SPEN: variants seen among roughly 807,000 people sequenced by gnomAD.
SPEN encodes the protein msx2-interacting protein.
In SPEN, 18 loss-of-function variants were observed where a neutral mutation model predicts 269.9. The ratio of observed to expected loss-of-function variants is 0.07; its 90% CI spans 0.05 to 0.10. The LOEUF is 0.10. Among genes scored for constraint, SPEN ranks in the 10% least tolerant of loss-of-function variants. SPEN has a pLI of 1.00. For synonymous variants in SPEN, 1,726 were observed against 1,765.7 expected (o/e 0.98, Z 0.56); for missense variants, 3,822 against 4,631.2 (o/e 0.83, Z 5.07).
intron 2 of SPEN, among the ~76,000 whole-genome samples, chr1:15,875,549 T>C (rs896227004): frequency 3.3e-5 from 5 of 152,112 alleles, no homozygotes; most frequent in African/African-American, 1.2e-4. Context: ...ATACTTGAAG[T>C]GGTTTTTTTT....
intron 2 of SPEN, among the ~76,000 whole-genome samples, chr1:15,875,666 C>CT (rs2070624206): frequency 6.6e-6 from 1 of 151,874 alleles, no homozygotes; most frequent in Non-Finnish European, 1.5e-5. Context: ...GCAGTCAAAA[C>CT]TTAATGAAAA....
At chr1:15,909,165 C>T (rs939934999) in intron 3 of SPEN, among the ~76,000 whole-genome samples, 156 bp from the exon 4 acceptor site, 4 of 152,128 alleles carry the variant, frequency 2.6e-5, no homozygotes, top group Admixed American at 1.3e-4. Context: ...TCTGCCACCT[C>T]TGAAGGTAGA....
rs568855750 is a variant in SPEN at position 15,848,510 on chromosome 1, G to C, written c.83+360G>C. ...GGGCGGCGGGGTCGCGTCCTTGCGCGCAGTGCCCGGCCCGGAGCAGCCGGG... is the reference window on the plus strand; with the variant it reads ...GGGCGGCGGGGTCGCGTCCTTGCGCCCAGTGCCCGGCCCGGAGCAGCCGGG... On this transcript the variant is annotated intron_variant, in intron 1 of 14. Transcript: ENST00000375759. The surrounding 1 kb of genome is among the most constrained non-coding windows in gnomAD (Gnocchi z 5.1). Among the ~76,000 whole-genome samples the C allele has an allele frequency of 6.4e-3, 976 of 152,076 alleles. 8 individuals carry two copies. Among genetic ancestry groups the C allele is most frequent in the Middle Eastern group, 0.021 (6 of 292 alleles).
Position 15,935,558 on chromosome 1 carries a change from C to G in SPEN, c.9318C>G (p.Pro3106=), listed in dbSNP as rs773620722. The change falls in exon 11 of 15, where the codon CCC becomes CCG. Residue 3106 remains proline, a synonymous_variant. Coordinates refer to ENST00000375759, the MANE Select transcript of SPEN (RefSeq NM_015001.3). The surrounding 1 kb of genome is among the most constrained non-coding windows in gnomAD (Gnocchi z 7.7). Reference sequence around the variant, plus strand: ...TGAGAATGAACACTCCCACGCTGCCCAGTATCACCTACAGCATCCGGCCAG... The same window carrying G: ...TGAGAATGAACACTCCCACGCTGCCGAGTATCACCTACAGCATCCGGCCAG... The part of the protein sequence containing the change: ...GEVRMNTPTL[P]SITYSIRPEA... 1.2e-6 allele frequency: 2 copies of G among 1,613,958 alleles called. No homozygotes were observed. The highest frequency in any genetic ancestry group is 2.7e-5 in the African/African-American group (2 of 74,886).
At chr1:15,876,934 G>A (rs767746226) in intron 3 of SPEN, among the ~76,000 whole-genome samples, 11 of 152,170 alleles carry the variant, frequency 7.2e-5, no homozygotes, top group Non-Finnish European at 1.5e-4. Flanking sequence ...TGGAAGGGAG[G>A]TGGTGACTCT....
intron 3 of SPEN, among the ~76,000 whole-genome samples, chr1:15,891,854 C>G (rs1031219402): frequency 6.6e-6 from 1 of 151,064 alleles, no homozygotes; most frequent in Non-Finnish European, 1.5e-5. Context: ...ACATATATCT[C>G]AGTAGAACTG....
At chr1:15,898,550 CT>C (rs1259070061) in intron 3 of SPEN, among the ~76,000 whole-genome samples, 2 of 134,878 alleles carry the variant, frequency 1.5e-5, no homozygotes, top group East Asian at 4.0e-4. Context: ...TTTTTTTTTT[CT>C]TTTTTTCTTT....
chr1:15,860,730 G>A (rs1374132334), intron 1 of SPEN, among the ~76,000 whole-genome samples: 1 of 151,628 alleles, frequency 6.6e-6, no homozygotes, highest in African/African-American at 2.4e-5. Flanking sequence ...AGCCTCCTGA[G>A]TAGCTGGACT....
chr1:15,857,689 G>GT (rs34199284), intron 1 of SPEN, among the ~76,000 whole-genome samples: 126,861 of 151,286 alleles, frequency 0.84, 53,500 homozygotes, highest in Middle Eastern at 0.91. Flanking sequence ...TAAAAAAATT[G>GT]TTTTTTTTCT....
intron 8 of SPEN, 28 bp from the exon 9 acceptor site, chr1:15,920,838 TCTTA>T (rs2071110943): frequency 4.4e-6 from 6 of 1,367,832 alleles, no homozygotes; most frequent in Non-Finnish European, 5.1e-6. Flanking sequence ...TGGATGAGGC[TCTTA>T]CTTGTTTTTT....
intron 1 of SPEN, among the ~76,000 whole-genome samples, chr1:15,859,200 A>C (rs971598941): frequency 3.5e-5 from 5 of 144,910 alleles, no homozygotes; most frequent in Non-Finnish European, 7.5e-5. Flanking sequence ...GCTGCAGTGC[A>C]GTGGCTATAC....
intron 3 of SPEN, among the ~76,000 whole-genome samples, chr1:15,881,923 T>C (rs1569999857): frequency 6.6e-6 from 1 of 152,214 alleles, no homozygotes; most frequent in Non-Finnish European, 1.5e-5. Flanking sequence ...GGACAAAATA[T>C]AGCTTGGTTT....
At chr1:15,855,997 T>C (rs1258917805) in intron 1 of SPEN, among the ~76,000 whole-genome samples, 20 of 146,564 alleles carry the variant, frequency 1.4e-4, no homozygotes, top group African/African-American at 4.3e-4. Context: ...GAACTTTTTT[T>C]TTTTTTTTTT....
chr1:15,901,820 A>C (rs1570026530), intron 3 of SPEN, among the ~76,000 whole-genome samples: 1 of 152,106 alleles, frequency 6.6e-6, no homozygotes, highest in Non-Finnish European at 1.5e-5. Context: ...TATTGTGGAC[A>C]GTATCTATTG....
At chr1:15,879,227 G>T (rs994857202) in intron 3 of SPEN, among the ~76,000 whole-genome samples, 1 of 151,980 alleles carries the variant, frequency 6.6e-6, no homozygotes, top group Non-Finnish European at 1.5e-5. Flanking sequence ...TGTAATTCCA[G>T]CTACTCAGGA....
intron 3 of SPEN, among the ~76,000 whole-genome samples, chr1:15,896,252 G>C (rs1326848277): frequency 7.5e-6 from 1 of 133,970 alleles, no homozygotes. Context: ...CTGGAGTGCA[G>C]TGGCGGGATC....
chr1:15,865,152 A>G (rs1389031259), intron 1 of SPEN, among the ~76,000 whole-genome samples: 1 of 151,522 alleles, frequency 6.6e-6, no homozygotes, highest in East Asian at 2.0e-4. Flanking sequence ...CCTGGGTTCA[A>G]GCAATTCTCT....
At position 15,937,280 on chromosome 1, in the gene SPEN, A is replaced by G; in HGVS notation, c.10144A>G (p.Ser3382Gly). The change falls in exon 12 of 15, where the codon AGC (serine) becomes GGC (glycine). Residue 3382 changes from serine (S) to glycine (G), a missense_variant. This residue lies in a region of SPEN where 359 missense variants were observed against 377.3 expected (regional missense o/e 0.95). Transcript: ENST00000375759. The surrounding 1 kb of genome is among the most constrained non-coding windows in gnomAD (Gnocchi z 5.7). Reference protein sequence around the residue: ...SQLGQPGQPPSSKMPQVSQEA... With the variant: ...SQLGQPGQPPGSKMPQVSQEA... ...GCTCGGTCAGCCCGGCCAGCCACCAAGCAGCAAGATGCCTCAAGTGTCCCA... is the reference window on the plus strand; with the variant it reads ...GCTCGGTCAGCCCGGCCAGCCACCAGGCAGCAAGATGCCTCAAGTGTCCCA... The G allele has an allele frequency of 6.2e-7, 1 of 1,613,842 alleles. No homozygotes were observed. The highest frequency in any genetic ancestry group is 8.5e-7 in the Non-Finnish European group (1 of 1,180,002).
chr1:15,866,035 G>A (rs1056015711), intron 1 of SPEN, among the ~76,000 whole-genome samples: 9 of 151,514 alleles, frequency 5.9e-5, no homozygotes, highest in African/African-American at 1.9e-4. Context: ...TATGGTTTAG[G>A]GATTTTATAT....
Sources: allele counts gnomAD v4.1 joint callset (sites outside exome capture counted in the v4.1 genomes callset), GRCh38; gene constraint gnomAD v4.1.1; regional missense constraint gnomAD v4.1.1; non-coding constraint Gnocchi (gnomAD v3.1); transcripts MANE v1.5; gene names NCBI Gene and HGNC (gene_info 2026-07-23, HGNC 2026-07-21).